CFAP20DC: variants seen among roughly 807,000 people sequenced by gnomAD.
CFAP20DC encodes protein CFAP20DC.
CFAP20DC carries 84 observed loss-of-function variants against 101.7 expected under a neutral mutation model. The ratio of observed to expected loss-of-function variants is 0.83; its 90% confidence interval spans 0.69 to 0.99. The LOEUF (loss-of-function observed/expected upper bound fraction) is 0.99. Ranked by LOEUF, CFAP20DC falls within the 50% of genes least tolerant of loss-of-function variation. The pLI is 0.00. For synonymous variants in CFAP20DC, 359 were observed against 351.2 expected, an observed-to-expected ratio of 1.02 and a Z score of -0.25; for missense variants, 1,007 against 970.3, an observed-to-expected ratio of 1.04 and a Z score of -0.50.
chr3:59,036,934 A>T (rs2094114600), intron 4 of CFAP20DC, among the ~76,000 whole-genome samples: 1 of 152,166 alleles, frequency 6.6e-6, no homozygotes. Flanking sequence ...CAAAACAGAT[A>T]TATAGACCAA....
chr3:58,924,172 C>T (rs1016899609), intron 5 of CFAP20DC, among the ~76,000 whole-genome samples: 1 of 152,032 alleles, frequency 6.6e-6, no homozygotes, highest in Non-Finnish European at 1.5e-5. Context: ...CTAGTGTGCC[C>T]ATCACCTAAA....
intron 14 of CFAP20DC, among the ~76,000 whole-genome samples, chr3:58,823,352 T>G (rs376150810): frequency 2.6e-4 from 40 of 152,278 alleles, no homozygotes; most frequent in African/African-American, 9.1e-4. Flanking sequence ...ATATAGAATT[T>G]GTTTTGATTT....
chr3:58,890,440 A>AC (rs1175336815), intron 6 of CFAP20DC, among the ~76,000 whole-genome samples: 86 of 80,216 alleles, frequency 1.1e-3, no homozygotes, highest in African/African-American at 3.1e-3. Context: ...GGGGGGGCTG[A>AC]CCCCCCCCAC....
At chr3:59,020,743 G>A (rs913332175) in intron 4 of CFAP20DC, among the ~76,000 whole-genome samples, 1 of 152,054 alleles carries the variant, frequency 6.6e-6, no homozygotes, top group African/African-American at 2.4e-5. Context: ...ACTCAATTGT[G>A]TGGTTCTGAT....
intron 5 of CFAP20DC, among the ~76,000 whole-genome samples, chr3:58,917,097 TAGAGA>T (rs779305248): frequency 2.0e-5 from 3 of 152,140 alleles, no homozygotes; most frequent in Non-Finnish European, 2.9e-5. Flanking sequence ...AGAAATCTGA[TAGAGA>T]AAAGACAGTT....
At chr3:58,934,767 A>G (rs910631033) in intron 5 of CFAP20DC, among the ~76,000 whole-genome samples, 15 of 152,186 alleles carry the variant, frequency 9.9e-5, no homozygotes, top group African/African-American at 3.6e-4. Context: ...TTGATGGGAC[A>G]TATCTGAAAA....
intron 5 of CFAP20DC, among the ~76,000 whole-genome samples, chr3:58,934,066 G>A (rs1009087855): frequency 6.6e-6 from 1 of 151,816 alleles, no homozygotes; most frequent in African/African-American, 2.4e-5. Context: ...TCAAATAGGT[G>A]GAATAAAAAA....
At chr3:58,942,095 A>C (rs2088689836) in intron 4 of CFAP20DC, among the ~76,000 whole-genome samples, 1 of 152,160 alleles carries the variant, frequency 6.6e-6, no homozygotes, top group Admixed American at 6.5e-5. Context: ...ATTTTGTTAA[A>C]TGCCTTTTCT....
chr3:58,808,351 C>T (rs6778241), intron 14 of CFAP20DC, among the ~76,000 whole-genome samples: 75 of 152,336 alleles, frequency 4.9e-4, no homozygotes, highest in African/African-American at 1.7e-3. Flanking sequence ...GCCCATCAGA[C>T]TAACAGCTGA....
intron 4 of CFAP20DC, among the ~76,000 whole-genome samples, chr3:58,942,322 A>G (rs1576415800): frequency 6.6e-6 from 1 of 152,324 alleles, no homozygotes; most frequent in East Asian, 1.9e-4. Context: ...TGCAGTTCCC[A>G]GTGAGATAAA....
intron 4 of CFAP20DC, among the ~76,000 whole-genome samples, chr3:58,984,633 T>C (rs1360286252): frequency 6.6e-6 from 1 of 152,158 alleles, no homozygotes; most frequent in Non-Finnish European, 1.5e-5. Context: ...TTTCACCTGA[T>C]AAAACTGCAA....
intron 12 of CFAP20DC, among the ~76,000 whole-genome samples, chr3:58,851,340 C>A (rs1022419664): frequency 6.6e-6 from 1 of 152,002 alleles, no homozygotes; most frequent in African/African-American, 2.4e-5. Flanking sequence ...TGTTGAGGTG[C>A]CTGAATTAAG....
At chr3:58,922,771 C>A (rs1295669947) in intron 5 of CFAP20DC, among the ~76,000 whole-genome samples, 2 of 152,004 alleles carry the variant, frequency 1.3e-5, no homozygotes, top group Non-Finnish European at 2.9e-5. Context: ...TTTATAGCAA[C>A]ACAAATGGGC....
At chr3:58,832,020 T>C (rs1387569043) in intron 13 of CFAP20DC, 131 bp from the exon 14 acceptor site, 2 of 699,860 alleles carry the variant, frequency 2.9e-6, no homozygotes, top group South Asian at 1.7e-5. Context: ...CATGCCTCCA[T>C]GCGCTACCTG....
chr3:58,758,906 A>C (rs947893042), intron 15 of CFAP20DC, among the ~76,000 whole-genome samples: 2 of 152,100 alleles, frequency 1.3e-5, no homozygotes, highest in African/African-American at 4.8e-5. Context: ...CATGGTGTAT[A>C]TGTGCCACAT....
At chr3:58,862,786 C>T (rs2079357770) in intron 12 of CFAP20DC, 7 of 982,074 alleles carry the variant, frequency 7.1e-6, no homozygotes, top group African/African-American at 1.7e-5. Flanking sequence ...TCGTATTCTG[C>T]TTTTAGAATA....
At chr3:58,784,811 G>A (rs2072172264) in intron 15 of CFAP20DC, among the ~76,000 whole-genome samples, 1 of 152,060 alleles carries the variant, frequency 6.6e-6, no homozygotes, top group Admixed American at 6.6e-5. Flanking sequence ...GAAAAGGGAA[G>A]TCTTATAAAC....
intron 3 of CFAP20DC, among the ~76,000 whole-genome samples, chr3:58,718,660 C>G (rs2067428791): frequency 6.6e-6 from 1 of 152,238 alleles, no homozygotes; most frequent in South Asian, 2.1e-4. Context: ...CTCAGCCTCT[C>G]CATCTGTTTC....
intron 5 of CFAP20DC, among the ~76,000 whole-genome samples, chr3:58,915,700 G>GA (rs1244355906): frequency 6.6e-6 from 1 of 152,012 alleles, no homozygotes; most frequent in Non-Finnish European, 1.5e-5. Context: ...AGCTTTATTT[G>GA]AAAAAAACAT....
Sources: allele counts gnomAD v4.1 joint callset (sites outside exome capture counted in the v4.1 genomes callset), GRCh38; gene constraint gnomAD v4.1.1; transcripts MANE v1.5; gene names NCBI Gene and HGNC (gene_info 2026-07-23, HGNC 2026-07-21).